Variants in OGA observed in about 807,000 individuals in gnomAD.
OGA encodes the protein protein O-GlcNAcase.
Under a neutral mutation model 102.0 loss-of-function variants are expected in OGA, and 21 were observed. That is an observed-to-expected ratio of 0.21 (90% CI 0.15 to 0.30). The LOEUF (loss-of-function observed/expected upper bound fraction) is 0.30. Ranked by LOEUF, OGA falls within the 10% of genes least tolerant of loss-of-function variation. The pLI is 1.00. For missense variants in OGA, 765 were observed against 1,107.8 expected (o/e 0.69, Z 4.39); for synonymous variants, 408 against 378.2 (o/e 1.08, Z -0.91).
chr10:101,806,920 A>T (rs2065483897), intron 5 of OGA, among the ~76,000 whole-genome samples: 2 of 152,192 alleles, frequency 1.3e-5, no homozygotes, highest in Admixed American at 6.5e-5. Flanking sequence ...CCAAAAATAT[A>T]AAAATTAGCC....
intron 10 of OGA, among the ~76,000 whole-genome samples, chr10:101,794,721 C>A (rs1037032661): frequency 6.6e-6 from 1 of 152,154 alleles, no homozygotes; most frequent in African/African-American, 2.4e-5. Context: ...CTTTGCAATA[C>A]ACTGAACATA....
intron 3 of OGA, among the ~76,000 whole-genome samples, chr10:101,811,406 GAAAAAAAAAAA>G (rs67433227): frequency 3.1e-4 from 14 of 45,704 alleles, no homozygotes; most frequent in Middle Eastern, 0.021. Context: ...GAAAAAAAAT[GAAAAAAAAAAA>G]AAAAAAAAAA....
At chr10:101,789,839 C>T (rs1339388350) in intron 14 of OGA, among the ~76,000 whole-genome samples, 5 of 152,082 alleles carry the variant, frequency 3.3e-5, no homozygotes, top group African/African-American at 4.8e-5. Flanking sequence ...TTAGCTGATG[C>T]GTAGTGGCTT....
At chr10:101,806,861 C>T (rs1331467219) in intron 5 of OGA, among the ~76,000 whole-genome samples, 2 of 152,100 alleles carry the variant, frequency 1.3e-5, no homozygotes, top group African/African-American at 4.8e-5. Context: ...ATCACTTGAG[C>T]CCAAGAGTTC....
chr10:101,791,289 T>TC, intron 13 of OGA, 65 bp downstream of exon 13: 3 of 1,359,498 alleles, frequency 2.2e-6, no homozygotes, highest in Non-Finnish European at 2.1e-6. Context: ...AGTCATCACC[T>TC]CCCCTCAACC....
intron 10 of OGA, chr10:101,797,125 T>G (rs2065326735): frequency 6.6e-6 from 1 of 152,062 alleles, no homozygotes; most frequent in South Asian, 2.1e-4. Context: ...TCACGGTGTT[T>G]CAGATATCTA....
At chr10:101,811,406 GAAA>G (rs67433227) in intron 3 of OGA, among the ~76,000 whole-genome samples, 1,980 of 45,700 alleles carry the variant, frequency 0.043, 22 homozygotes, top group Non-Finnish European at 0.057. Context: ...GAAAAAAAAT[GAAA>G]AAAAAAAAAA....
chr10:101,800,425 AC>A (rs2065374109), intron 7 of OGA, 25 bp from the exon 8 acceptor site: 1 of 1,591,470 alleles, frequency 6.3e-7, no homozygotes. Context: ...ATAAAAAAGC[AC>A]AAAAATAGTT....
At chr10:101,791,320 G>T (rs144300964) in intron 13 of OGA, 34 bp downstream of exon 13, 1 of 1,535,882 alleles carries the variant, frequency 6.5e-7, no homozygotes, top group East Asian at 2.2e-5. Flanking sequence ...CACTATGAAA[G>T]GTCTACTCTC....
At position 101,795,891 on chromosome 10, in the gene OGA, G is replaced by GTT. The variant is rs1405971654; in HGVS notation, c.1985-1894_1985-1893insAA. On this transcript the variant is annotated intron_variant, in intron 10 of 15. Transcript: ENST00000361464. ...GAGCCACAGGCTGGACAAGCTTGCTGTAAGAGCTTGAGATTGTGTAAGAGG... is the reference window on the plus strand; with the variant it reads ...GAGCCACAGGCTGGACAAGCTTGCTGTTTAAGAGCTTGAGATTGTGTAAGAGG... The GTT allele has an allele frequency of 5.1e-6, 5 of 980,706 alleles. No individual in the cohort carries two copies. The East Asian group carries it at 3.4e-4, about 67-fold the overall frequency. The allele number at this position is 980,706 out of a possible 1,614,324, so 60.8% of individuals were successfully genotyped here. A position where few individuals can be genotyped will look rare whatever the true frequency, so the allele number is the denominator to read the frequency against.
intron 3 of OGA, among the ~76,000 whole-genome samples, chr10:101,811,682 A>G (rs953278573): frequency 6.6e-6 from 1 of 152,150 alleles, no homozygotes; most frequent in African/African-American, 2.4e-5. Flanking sequence ...ACAAAGTGAC[A>G]AACGCTGTCT....
At chr10:101,812,834 T>C (rs149681380) in intron 3 of OGA, 196 bp downstream of exon 3, 31 of 652,700 alleles carry the variant, frequency 4.7e-5, no homozygotes, top group Non-Finnish European at 7.6e-5. Context: ...GCCCATGATA[T>C]CACACATATG....
chr10:101,798,045 A>G lies in OGA; in HGVS notation c.1919T>C (p.Met640Thr). The G allele has an allele frequency of 6.2e-7, 1 of 1,614,038 alleles. No homozygotes were observed. The highest frequency in any genetic ancestry group is 8.5e-7 in the Non-Finnish European group (1 of 1,179,888). ...NCANRTILYD[M>T]YSYVWDIKSI... is the part of the protein sequence containing the mutation. ...CTTGATATCCCAAACATAGGAGTAC[A>G]TGTCATAAAGAATTGTCCTGTTGGC... is the stretch of plus-strand genomic sequence containing the variant. Residue 640 changes from methionine to threonine, a missense_variant, in exon 10 of 16, where the codon ATG (methionine) becomes ACG (threonine). Physicochemically the swap from Met to Thr is moderately conservative, Grantham distance 81. Transcript: ENST00000361464.
At chr10:101,790,265 G>GTTTTTTTTT (rs869235919) in intron 14 of OGA, among the ~76,000 whole-genome samples, 2 of 86,428 alleles carry the variant, frequency 2.3e-5, no homozygotes, top group Non-Finnish European at 4.2e-5. Flanking sequence ...ATAATATCTT[G>GTTTTTTTTT]TTTTTTTTTT....
Position 101,818,386 on chromosome 10 carries a change from T to G in OGA, c.-364A>C. 1 of 1,037,612 alleles carries G rather than the reference T, an allele frequency of 9.6e-7. No homozygotes were observed. Among genetic ancestry groups the G allele is most frequent in the South Asian group, 3.9e-5 (1 of 25,484 alleles). The allele number at this position is 1,037,612 out of a possible 1,614,324, so 64.3% of individuals were successfully genotyped here. A position where few individuals can be genotyped will look rare whatever the true frequency, so the allele number is the denominator to read the frequency against. The stretch of plus-strand genomic sequence containing the variant: ...ATCTTAGGTCTTCCGCTGTTTCCCC[T>G]CCAAGCCCCGAGCTCTCCCTCTGCT... On this transcript the variant is annotated 5_prime_UTR_variant, in exon 1 of 16. Coordinates refer to ENST00000361464, the MANE Select transcript of OGA (RefSeq NM_012215.5).
chr10:101,793,882 T>C (rs758845708), intron 11 of OGA, 31 bp downstream of exon 11: 40 of 1,501,168 alleles, frequency 2.7e-5, no homozygotes, highest in Admixed American at 5.0e-5. Context: ...ACAAAGAAAA[T>C]GTCAATTCAG....
rs1256665302 is a variant in OGA at position 101,810,313 on chromosome 10, C to T, written c.351G>A (p.Glu117=). ...WREMYSVEEA[E]QLMTLISAAR... is the part of the protein sequence containing the mutation. Reference sequence around the variant, plus strand: ...CAGCAGAGATGAGAGTCATAAGTTGCTCTAAAGAACAGAGTCTATGTTTTT... The same window carrying T: ...CAGCAGAGATGAGAGTCATAAGTTGTTCTAAAGAACAGAGTCTATGTTTTT... Residue 117 remains glutamate, a splice_region_variant and synonymous_variant, in exon 4 of 16, where the codon GAG becomes GAA. Coordinates refer to ENST00000361464, the MANE Select transcript of OGA (RefSeq NM_012215.5). The T allele has an allele frequency of 2.5e-6, 4 of 1,608,214 alleles. No homozygotes were observed. In the South Asian group the frequency reaches 3.3e-5, roughly 13 times the overall value.
At chr10:101,809,498 C>T (rs1039036715) in intron 4 of OGA, among the ~76,000 whole-genome samples, 4 of 151,970 alleles carry the variant, frequency 2.6e-5, no homozygotes, top group Admixed American at 6.6e-5. Context: ...GGTGAATCAC[C>T]TAAAGTCAGG....
At chr10:101,790,278 T>C (rs913353226) in intron 14 of OGA, among the ~76,000 whole-genome samples, 1 of 144,248 alleles carries the variant, frequency 6.9e-6, no homozygotes, top group Admixed American at 6.9e-5. Context: ...TTTTTTTTTT[T>C]TTTTTTTTTT....
Sources: gnomAD v4.1 joint callset for allele counts (sites outside exome capture counted in the v4.1 genomes callset) on GRCh38, gnomAD v4.1.1 for gene constraint, MANE v1.5 for transcripts, NCBI Gene and HGNC (gene_info 2026-07-23, HGNC 2026-07-21) for gene names.